Variants in ITIH5 observed in about 807,000 individuals in gnomAD.
ITIH5 encodes the protein inter-alpha-trypsin inhibitor heavy chain 5.
In ITIH5, 65 loss-of-function variants were observed where a neutral mutation model predicts 77.5. The ratio of observed to expected loss-of-function variants is 0.84; its 90% CI spans 0.69 to 1.03. ITIH5 has a LOEUF of 1.03. ITIH5 is among the 50% of genes least tolerant of loss of function. The probability of loss-of-function intolerance (pLI) is 0.00; values close to 1 mark genes in which losing one functional copy is unlikely to be tolerated. For synonymous variants in ITIH5, 525 were observed against 494.3 expected, an observed-to-expected ratio of 1.06 and a Z score of -0.82; for missense variants, 1,208 against 1,213.1, an observed-to-expected ratio of 1.00 and a Z score of 0.06.
intron 5 of ITIH5, chr10:7,622,100 C>T (rs1296895224): frequency 6.6e-6 from 1 of 152,246 alleles, no homozygotes; most frequent in Non-Finnish European, 1.5e-5. Context: ...CAAGACAACC[C>T]CAGGGACACA....
rs1832003921 is a variant in ITIH5 at position 7,559,716 on chromosome 10, G to A, written c.*3367C>T. On this transcript the variant is annotated 3_prime_UTR_variant, in exon 14 of 14. Coordinates refer to ENST00000397146, the MANE Select transcript of ITIH5 (RefSeq NM_030569.7). Reference sequence around the variant, plus strand: ...TTTATTTCTCACAGTTCTGGAGGCTGGGAGGTCCAAGATCAAGGTGCCAGC... The same window carrying A: ...TTTATTTCTCACAGTTCTGGAGGCTAGGAGGTCCAAGATCAAGGTGCCAGC... The A allele has an allele frequency of 2.3e-6, 1 of 429,106 alleles. No homozygotes were observed. Among genetic ancestry groups the A allele is most frequent in the African/African-American group, 2.1e-5 (1 of 48,008 alleles). 26.6% of individuals were successfully genotyped at this position (429,106 alleles called of 1,614,324 possible). A position where few individuals can be genotyped will look rare whatever the true frequency, so the allele number is the denominator to read the frequency against.
In ITIH5 at chr10:7,576,960, G is replaced by T. The variant is rs774114501; in HGVS notation, c.1471C>A (p.Pro491Thr). The T allele has an allele frequency of 1.2e-6, 2 of 1,614,044 alleles. No homozygotes were observed. Among genetic ancestry groups the T allele is most frequent in the Non-Finnish European group, 1.7e-6 (2 of 1,179,978 alleles). ...GTGGCCTGCACCACTGAGCTGGGGGGATAATCGATGCGGATGTCAGAGAGG... is the reference window on the plus strand; with the variant it reads ...GTGGCCTGCACCACTGAGCTGGGGGTATAATCGATGCGGATGTCAGAGAGG... ...PLLSDIRIDY[P>T]PSSVVQATKT... The change falls in exon 10 of 14, where the codon CCC becomes ACC. Residue 491 changes from proline (P) to threonine (T), a missense_variant. By Grantham distance (38) the Pro-to-Thr change is conservative (BLOSUM62 -1). Transcript: ENST00000397146.
rs140638306 is a variant in ITIH5 at position 7,661,648 on chromosome 10, A to G, written c.90+5155T>C. 3.7e-3 allele frequency among the ~76,000 whole-genome samples: 567 copies of G among 152,310 alleles called. 5 individuals are homozygous for G. Among genetic ancestry groups the G allele is most frequent in the African/African-American group, 0.013 (542 of 41,570 alleles). On this transcript the variant is annotated intron_variant, in intron 1 of 13. Transcript: ENST00000397146. ...GGGATGCCTATCACCTTGGTAATGG[A>G]AGAAGAAACCTGATATTACAGCTAA...
At chr10:7,579,543 T>C (rs957300632) in intron 9 of ITIH5, among the ~76,000 whole-genome samples, 15 of 150,154 alleles carry the variant, frequency 1.0e-4, no homozygotes, top group Admixed American at 2.0e-4. Context: ...AAAAAAAAAA[T>C]CTTGCCTAAA....
At chr10:7,628,691 C>T (rs75631578) in intron 5 of ITIH5, among the ~76,000 whole-genome samples, 17,773 of 134,076 alleles carry the variant, frequency 0.13, 2,341 homozygotes, top group Non-Finnish European at 0.2. Context: ...TAGCGTGTGT[C>T]CATGTTGCAG....
rs1832049358 is a variant in ITIH5 at position 7,562,023 on chromosome 10, G to A, written c.*1060C>T. Reference sequence around the variant, plus strand: ...GAACCAAAGCCCCTGTCCACGAGCTGGTTTCCTGACTTTTTTTCTATCTGA... The same window carrying A: ...GAACCAAAGCCCCTGTCCACGAGCTAGTTTCCTGACTTTTTTTCTATCTGA... On this transcript the variant is annotated 3_prime_UTR_variant, in exon 14 of 14. Transcript: ENST00000397146. The A allele has an allele frequency of 6.6e-6, 1 of 152,126 alleles. No homozygotes were observed. The highest frequency in any genetic ancestry group is 6.5e-5 in the Admixed American group (1 of 15,272). The allele number at this position is 152,126 out of a possible 1,614,324, so 9.4% of individuals were successfully genotyped here. A position where few individuals can be genotyped will look rare whatever the true frequency, so the allele number is the denominator to read the frequency against.
chr10:7,576,058 T>C (rs1301625075), intron 10 of ITIH5, among the ~76,000 whole-genome samples: 1 of 152,206 alleles, frequency 6.6e-6, no homozygotes, highest in Non-Finnish European at 1.5e-5. Flanking sequence ...GGGGTCTTGC[T>C]CTGTCACCCA....
At chr10:7,612,982 T>C (rs1028538765) in intron 7 of ITIH5, among the ~76,000 whole-genome samples, 5 of 152,186 alleles carry the variant, frequency 3.3e-5, no homozygotes, top group Admixed American at 2.6e-4. Context: ...CGGTGGCTCA[T>C]GCCTGTAATC....
intron 1 of ITIH5, among the ~76,000 whole-genome samples, chr10:7,664,287 C>A (rs1300211750): frequency 6.6e-6 from 1 of 151,496 alleles, no homozygotes; most frequent in Non-Finnish European, 1.5e-5. Flanking sequence ...GTAATCCCAT[C>A]TGCTTGGGAG....
chr10:7,601,387 C>G (rs1284261458), intron 7 of ITIH5, among the ~76,000 whole-genome samples: 2 of 152,320 alleles, frequency 1.3e-5, no homozygotes, highest in Admixed American at 1.3e-4. Flanking sequence ...TTTGTCCTCA[C>G]AGAAGCAAAT....
At position 7,655,449 on chromosome 10, in the gene ITIH5, G is replaced by GA. The variant is rs566160367; in HGVS notation, c.135+181dup. On this transcript the variant is annotated intron_variant, in intron 2 of 13. Coordinates refer to ENST00000397146, the MANE Select transcript of ITIH5 (RefSeq NM_030569.7). ...TAATCAGGTCTCCTTCCAGAAAAAA[G>GA]AAAAAAAAAATCCACTTAAAGAAAG... 4.1e-4 allele frequency among the ~76,000 whole-genome samples: 60 copies of GA among 147,586 alleles called. 1 individual carries two copies. The South Asian group carries it at 6.9e-3, about 17-fold the overall frequency.
At chr10:7,607,466 T>G (rs1187273375) in intron 7 of ITIH5, among the ~76,000 whole-genome samples, 1 of 152,154 alleles carries the variant, frequency 6.6e-6, no homozygotes, top group Non-Finnish European at 1.5e-5. Context: ...GGTAACATAG[T>G]GAGACCCTGT....
At chr10:7,617,394 A>G in intron 5 of ITIH5, 112 bp from the exon 6 acceptor site, 1 of 669,486 alleles carries the variant, frequency 1.5e-6, no homozygotes, top group Non-Finnish European at 2.3e-6. Context: ...ACAGGCTTGT[A>G]TTTCACAGGA....
chr10:7,587,126 G>A (rs1194230522), intron 7 of ITIH5, among the ~76,000 whole-genome samples: 4 of 152,280 alleles, frequency 2.6e-5, no homozygotes, highest in East Asian at 3.9e-4. Context: ...CACTGCACCC[G>A]GCTTGGAAGG....
chr10:7,642,115 T>C, intron 2 of ITIH5, 25 bp from the exon 3 acceptor site: 3 of 1,591,482 alleles, frequency 1.9e-6, no homozygotes, highest in Non-Finnish European at 2.6e-6. Flanking sequence ...ACACACAGTA[T>C]CATCGGTGAT....
chr10:7,573,251 G>A (rs1384489515), intron 10 of ITIH5, 56 bp from the exon 11 acceptor site: 4 of 1,461,070 alleles, frequency 2.7e-6, no homozygotes, highest in African/African-American at 1.4e-5. Context: ...GATGAAGAGA[G>A]AGGTGCAAAG....
At chr10:7,585,004 C>G (rs1832644306) in intron 8 of ITIH5, among the ~76,000 whole-genome samples, 1 of 152,124 alleles carries the variant, frequency 6.6e-6, no homozygotes, top group Non-Finnish European at 1.5e-5. Flanking sequence ...TTGTCTTGGA[C>G]TGGGAAACCA....
At chr10:7,662,262 C>A (rs1471845995) in intron 1 of ITIH5, among the ~76,000 whole-genome samples, 1 of 151,796 alleles carries the variant, frequency 6.6e-6, no homozygotes, top group African/African-American at 2.4e-5. Flanking sequence ...GAGGCTGAGG[C>A]AGGAGAATTG....
intron 1 of ITIH5, among the ~76,000 whole-genome samples, chr10:7,656,190 A>T (rs1219695408): frequency 6.6e-6 from 1 of 152,150 alleles, no homozygotes; most frequent in Non-Finnish European, 1.5e-5. Context: ...ATGCTTCCAC[A>T]TGCCGGGGAG....
Sources: allele counts gnomAD v4.1 joint callset (sites outside exome capture counted in the v4.1 genomes callset), GRCh38; gene constraint gnomAD v4.1.1; transcripts MANE v1.5; gene names NCBI Gene and HGNC (gene_info 2026-07-23, HGNC 2026-07-21).